Variants in CDC14A observed in about 807,000 individuals in gnomAD.
CDC14A encodes the protein cell division cycle 14A, also known as dual specificity protein phosphatase CDC14A.
Under a neutral mutation model 74.4 loss-of-function variants are expected in CDC14A, and 53 were observed. The ratio of observed to expected loss-of-function variants is 0.71; its 90% CI spans 0.57 to 0.89. The LOEUF is 0.89. Among genes scored for constraint, CDC14A ranks in the 40% least tolerant of loss-of-function variants. The probability of loss-of-function intolerance (pLI) is 0.00; values close to 1 mark genes in which losing one functional copy is unlikely to be tolerated. For synonymous variants in CDC14A, 247 were observed against 258.4 expected, an observed-to-expected ratio of 0.96 and a Z score of 0.43; for missense variants, 646 against 713.7, an observed-to-expected ratio of 0.91 and a Z score of 1.08.
intron 8 of CDC14A, among the ~76,000 whole-genome samples, chr1:100,456,615 G>T (rs1371047840): frequency 4.0e-5 from 6 of 150,318 alleles, no homozygotes; most frequent in Non-Finnish European, 1.5e-5. Flanking sequence ...GACCAGCCTC[G>T]GCAACATAGC....
At chr1:100,497,098 A>C (rs1053657440) in intron 13 of CDC14A, among the ~76,000 whole-genome samples, 1 of 152,226 alleles carries the variant, frequency 6.6e-6, no homozygotes, top group Non-Finnish European at 1.5e-5. Flanking sequence ...ATGACGCAAT[A>C]TGGTATAAGA....
intron 5 of CDC14A, among the ~76,000 whole-genome samples, chr1:100,426,263 C>T (rs1662947994): frequency 6.6e-6 from 1 of 152,150 alleles, no homozygotes; most frequent in African/African-American, 2.4e-5. Context: ...GAGGCCCCCA[C>T]CACCATGCCT....
intron 4 of CDC14A, among the ~76,000 whole-genome samples, chr1:100,398,442 T>C (rs1412662554): frequency 6.6e-6 from 1 of 152,334 alleles, no homozygotes; most frequent in East Asian, 1.9e-4. Context: ...ATCTGATTAT[T>C]GCTTAGTATA....
chr1:100,477,061 A>G (rs1305133428), intron 10 of CDC14A, among the ~76,000 whole-genome samples: 7 of 152,304 alleles, frequency 4.6e-5, no homozygotes, highest in African/African-American at 1.7e-4. Context: ...CAGCCACTGT[A>G]AATTGAAAAA....
intron 7 of CDC14A, among the ~76,000 whole-genome samples, chr1:100,453,534 T>G (rs547172241): frequency 2.0e-5 from 3 of 152,356 alleles, no homozygotes; most frequent in Non-Finnish European, 4.4e-5. Context: ...CATAATTAGA[T>G]TCTTTATTTA....
chr1:100,429,689 T>A (rs1039752574), intron 5 of CDC14A, among the ~76,000 whole-genome samples: 2 of 146,694 alleles, frequency 1.4e-5, no homozygotes, highest in African/African-American at 2.5e-5. Flanking sequence ...CATGGCAAAA[T>A]ATATATATAT....
At chr1:100,349,174 C>T (rs189827886), upstream of CDC14A, among the ~76,000 whole-genome samples, 965 of 151,774 alleles carry the variant, frequency 6.4e-3, 9 homozygotes, top group African/African-American at 0.022. Flanking sequence ...CCAGCCTGGG[C>T]TACAGAGCAA....
intron 2 of CDC14A, 68 bp downstream of exon 2, chr1:100,353,920 C>T: frequency 2.4e-6 from 2 of 839,588 alleles, no homozygotes; most frequent in South Asian, 3.0e-5. Flanking sequence ...AAACACTATG[C>T]ACTTTTATGG....
At chr1:100,442,031 G>T (rs1007666079) in intron 6 of CDC14A, among the ~76,000 whole-genome samples, 1 of 151,902 alleles carries the variant, frequency 6.6e-6, no homozygotes, top group Non-Finnish European at 1.5e-5. Flanking sequence ...ATAGCTTCAT[G>T]ATTTATAAAA....
intron 4 of CDC14A, among the ~76,000 whole-genome samples, chr1:100,397,197 G>A (rs533954645): frequency 1.2e-4 from 18 of 152,290 alleles, no homozygotes; most frequent in African/African-American, 4.1e-4. Context: ...TTGCTGGAAT[G>A]ATGTGGGCAC....
At chr1:100,381,302 C>T (rs1023229999) in intron 3 of CDC14A, among the ~76,000 whole-genome samples, 2 of 152,166 alleles carry the variant, frequency 1.3e-5, no homozygotes, top group Admixed American at 6.5e-5. Context: ...CCTACTCTAC[C>T]GAAACTGCTC....
chr1:100,505,541 T>C (rs920730474), intron 15 of CDC14A, among the ~76,000 whole-genome samples: 3 of 152,316 alleles, frequency 2.0e-5, no homozygotes, highest in Middle Eastern at 3.4e-3. Context: ...CACTAAAGCA[T>C]GGTTCATTTG....
chr1:100,496,021 C>T lies in CDC14A; in HGVS notation c.1270C>T (p.His424Tyr), dbSNP rs759358207. The T allele has an allele frequency of 6.2e-7, 1 of 1,613,856 alleles. No individual in the cohort carries two copies. The highest frequency in any genetic ancestry group is 8.5e-7 in the Non-Finnish European group (1 of 1,179,776). Residue 424 changes from histidine (H) to tyrosine (Y), a missense_variant, in exon 13 of 16, where the codon CAT becomes TAT. His to Tyr is a moderately conservative substitution (Grantham distance 83). Coordinates refer to ENST00000336454, the MANE Select transcript of CDC14A (RefSeq NM_003672.4). ...CCGCAGGTCAGATGATACAAAAGGA[C>T]ATCCAAGAGCAGTGTCCCAGCCTTT... is the stretch of plus-strand genomic sequence containing the variant. Reference protein sequence around the residue: ...CAFRSDDTKGHPRAVSQPFRL... With the variant: ...CAFRSDDTKGYPRAVSQPFRL...
intron 9 of CDC14A, among the ~76,000 whole-genome samples, chr1:100,464,015 T>C (rs149403358): frequency 1.3e-4 from 20 of 152,322 alleles, no homozygotes; most frequent in African/African-American, 4.8e-4. Context: ...AGTGCTGCTG[T>C]AACTGACTTA....
chr1:100,411,209 C>T (rs1339338002), intron 4 of CDC14A, among the ~76,000 whole-genome samples: 1 of 152,196 alleles, frequency 6.6e-6, no homozygotes, highest in East Asian at 1.9e-4. Flanking sequence ...TCCTTTGCCT[C>T]TACCTTCGCA....
At chr1:100,371,799 C>T (rs566306385) in intron 2 of CDC14A, among the ~76,000 whole-genome samples, 117 of 152,240 alleles carry the variant, frequency 7.7e-4, no homozygotes, top group African/African-American at 2.6e-3. Context: ...ACTTCAAATT[C>T]TACCAGTGTC....
rs938560892 is a variant in CDC14A at position 100,352,518 on chromosome 1, C to T, written c.-437C>T. ...AAGGAGGATCCGGAGCAGCTGCTGC[C>T]AGCCCGCGGGCACTGAAGTCCTCCC... is the stretch of plus-strand genomic sequence containing the variant. On this transcript the variant is annotated 5_prime_UTR_variant, in exon 1 of 16. Transcript: ENST00000336454. 4 of 1,031,418 alleles carry T rather than the reference C, an allele frequency of 3.9e-6. No homozygotes were observed. The South Asian group carries it at 1.4e-4, about 36-fold the overall frequency. 63.9% of individuals were successfully genotyped at this position (1,031,418 alleles called of 1,614,324 possible). A position where few individuals can be genotyped will look rare whatever the true frequency, so the allele number is the denominator to read the frequency against.
chr1:100,463,249 A>G (rs1379789433), intron 9 of CDC14A, among the ~76,000 whole-genome samples: 1 of 152,000 alleles, frequency 6.6e-6, no homozygotes, highest in Non-Finnish European at 1.5e-5. Flanking sequence ...GTTTTTTTTC[A>G]GAATTGCCCA....
upstream of CDC14A, chr1:100,351,845 T>C: frequency 6.7e-7 from 1 of 1,490,758 alleles, no homozygotes; most frequent in Non-Finnish European, 9.1e-7. Context: ...TACTGTGAGC[T>C]AGGAGCTGGT....
Sources: gnomAD v4.1 joint callset for allele counts (sites outside exome capture counted in the v4.1 genomes callset) on GRCh38, gnomAD v4.1.1 for gene constraint, MANE v1.5 for transcripts, NCBI Gene and HGNC (gene_info 2026-07-23, HGNC 2026-07-21) for gene names.